The following LHFPL3 variants were observed in gnomAD, a reference collection of about 807,000 sequenced individuals.
The protein encoded by LHFPL3 is LHFPL tetraspan subfamily member 3.
In LHFPL3, 5 loss-of-function variants were observed where a neutral mutation model predicts 19.3. That is an observed-to-expected ratio of 0.26 (90% CI 0.14 to 0.54). The LOEUF is 0.54. LHFPL3 is among the 20% of genes least tolerant of loss of function. LHFPL3 has a pLI of 0.94. For synonymous variants in LHFPL3, 133 were observed against 126.2 expected (o/e 1.05, Z -0.36); for missense variants, 249 against 307.4 (o/e 0.81, Z 1.42).
intron 1 of LHFPL3, among the ~76,000 whole-genome samples, chr7:104,442,110 A>T (rs1792237351): frequency 1.3e-5 from 2 of 151,540 alleles, no homozygotes; most frequent in Non-Finnish European, 2.9e-5. Context: ...GTGAGGTGAT[A>T]TATCATTGTG....
chr7:104,551,797 T>C (rs1355258061), intron 1 of LHFPL3, among the ~76,000 whole-genome samples: 1 of 152,136 alleles, frequency 6.6e-6, no homozygotes, highest in Non-Finnish European at 1.5e-5. Context: ...GCTGGATAGT[T>C]CTCCCAGGGA....
intron 2 of LHFPL3, among the ~76,000 whole-genome samples, chr7:104,832,930 G>C (rs975699316): frequency 9.3e-5 from 11 of 118,550 alleles, no homozygotes; most frequent in African/African-American, 2.4e-4. Flanking sequence ...TATTAGTCAG[G>C]GTTCTCTAGA....
intron 2 of LHFPL3, among the ~76,000 whole-genome samples, chr7:104,889,747 T>C (rs1358792276): frequency 6.6e-6 from 1 of 152,226 alleles, no homozygotes; most frequent in Non-Finnish European, 1.5e-5. Flanking sequence ...AGGAGAACTC[T>C]GGAAAGATTT....
At chr7:104,554,455 T>C (rs1794719804) in intron 1 of LHFPL3, among the ~76,000 whole-genome samples, 1 of 152,102 alleles carries the variant, frequency 6.6e-6, no homozygotes, top group Admixed American at 6.6e-5. Flanking sequence ...GAGTATTATA[T>C]AAACAAATAT....
intron 1 of LHFPL3, among the ~76,000 whole-genome samples, chr7:104,649,053 C>T (rs1018917227): frequency 3.3e-5 from 5 of 152,328 alleles, no homozygotes; most frequent in East Asian, 1.9e-4. Context: ...ATCCACTTCA[C>T]TTGGCATCAC....
intron 1 of LHFPL3, among the ~76,000 whole-genome samples, chr7:104,700,384 G>A (rs1275230992): frequency 6.6e-6 from 1 of 152,146 alleles, no homozygotes; most frequent in African/African-American, 2.4e-5. Context: ...GAGAAATCCA[G>A]TCAAGGTCGT....
At chr7:104,395,346 G>T (rs934941804) in intron 1 of LHFPL3, among the ~76,000 whole-genome samples, 2 of 152,198 alleles carry the variant, frequency 1.3e-5, no homozygotes, top group Non-Finnish European at 2.9e-5. Flanking sequence ...GCAGTAGCAA[G>T]ATCCTCCTGT....
chr7:104,737,209 A>G (rs1341618749), intron 2 of LHFPL3, among the ~76,000 whole-genome samples: 3 of 152,080 alleles, frequency 2.0e-5, no homozygotes, highest in Non-Finnish European at 1.5e-5. Context: ...TGCCATCAGA[A>G]CTTAATGGCT....
intron 2 of LHFPL3, among the ~76,000 whole-genome samples, chr7:104,837,476 T>C (rs1337321592): frequency 6.6e-6 from 1 of 152,234 alleles, no homozygotes; most frequent in East Asian, 1.9e-4. Context: ...AAATCTTCCC[T>C]GTGTATTTTA....
intron 2 of LHFPL3, among the ~76,000 whole-genome samples, chr7:104,862,409 C>T (rs540376493): frequency 1.1e-4 from 16 of 152,320 alleles, no homozygotes; most frequent in African/African-American, 3.8e-4. Context: ...TAATTTTCTA[C>T]TTGCCTTCTG....
chr7:104,455,147 A>G (rs1792515349), intron 1 of LHFPL3, among the ~76,000 whole-genome samples: 1 of 152,164 alleles, frequency 6.6e-6, no homozygotes, highest in African/African-American at 2.4e-5. Context: ...ATCAACATTG[A>G]TGTATAGGCA....
At chr7:104,736,635 T>A (rs371095137) in intron 1 of LHFPL3, 40 bp from the exon 2 acceptor site, 5 of 1,336,222 alleles carry the variant, frequency 3.7e-6, no homozygotes, top group Middle Eastern at 3.6e-4. Flanking sequence ...TATTGACTTA[T>A]CTTTTTTGTT....
At chr7:104,642,180 G>A (rs1791849641) in intron 1 of LHFPL3, among the ~76,000 whole-genome samples, 1 of 151,602 alleles carries the variant, frequency 6.6e-6, no homozygotes, top group African/African-American at 2.4e-5. Flanking sequence ...TGGAATTACA[G>A]GTGTGTGCCA....
intron 1 of LHFPL3, among the ~76,000 whole-genome samples, chr7:104,595,243 T>C (rs143054558): frequency 0.015 from 2,287 of 152,204 alleles, 21 homozygotes; most frequent in Non-Finnish European, 0.02. Flanking sequence ...GACCTTTTTG[T>C]TGATGTTGAT....
At chr7:104,459,078 C>T (rs1792608234) in intron 1 of LHFPL3, among the ~76,000 whole-genome samples, 1 of 152,230 alleles carries the variant, frequency 6.6e-6, no homozygotes, top group South Asian at 2.1e-4. Flanking sequence ...CTGGGTAGCG[C>T]TTCTGCTCTG....
At chr7:104,769,669 C>G (rs1469946673) in intron 2 of LHFPL3, among the ~76,000 whole-genome samples, 8 of 150,608 alleles carry the variant, frequency 5.3e-5, no homozygotes, top group African/African-American at 2.0e-4. Context: ...TCCATGTGTT[C>G]TCATTGTTCA....
intron 2 of LHFPL3, among the ~76,000 whole-genome samples, chr7:104,865,295 T>A (rs993785279): frequency 2.0e-5 from 3 of 151,980 alleles, no homozygotes; most frequent in Admixed American, 6.6e-5. Context: ...GGAGGAAGTT[T>A]GAACCCATGG....
chr7:104,366,724 A>G (rs1400232615), intron 1 of LHFPL3, among the ~76,000 whole-genome samples: 2 of 152,170 alleles, frequency 1.3e-5, no homozygotes, highest in Non-Finnish European at 1.5e-5. Context: ...GCTTGCCAGT[A>G]TGAATGCATT....
In LHFPL3 at chr7:104,841,493, G is replaced by GGTGT. The variant is rs66894221; in HGVS notation, c.683-64661_683-64658dup. On this transcript the variant is annotated intron_variant, in intron 2 of 2. Transcript: ENST00000424859. ...ATATGTATTACGATGCATTATGTGGGGTGTGTGTGTGTGTGTGTGTGTGTG... is the reference window on the plus strand; with the variant it reads ...ATATGTATTACGATGCATTATGTGGGGTGTGTGTGTGTGTGTGTGTGTGTGTGTG... Among the ~76,000 whole-genome samples, 31 of 140,836 alleles carry GGTGT rather than the reference G, an allele frequency of 2.2e-4. 1 individual carries two copies. Among genetic ancestry groups the GGTGT allele is most frequent in the Admixed American group, 5.7e-4 (8 of 14,120 alleles). The allele number at this position is 140,836 out of a possible 152,430, so 92.4% of individuals were successfully genotyped here.
Sources: gnomAD v4.1 joint callset for allele counts (sites outside exome capture counted in the v4.1 genomes callset) on GRCh38, gnomAD v4.1.1 for gene constraint, MANE v1.5 for transcripts, NCBI Gene and HGNC (gene_info 2026-07-23, HGNC 2026-07-21) for gene names.